The following RALA variants were observed in gnomAD, a reference collection of about 807,000 sequenced individuals.
The protein encoded by RALA is ras-related protein Ral-A.
In RALA, 5 loss-of-function variants were observed where a neutral mutation model predicts 24.0. The observed-to-expected ratio is 0.21, with a 90% CI of 0.11 to 0.44. The LOEUF (loss-of-function observed/expected upper bound fraction) is 0.44, where lower values mean the gene tolerates loss of function less well. Among genes scored for constraint, RALA ranks in the 20% least tolerant of loss-of-function variants. The pLI is 0.99. For synonymous variants in RALA, 77 were observed against 83.8 expected, an observed-to-expected ratio of 0.92 and a Z score of 0.44; for missense variants, 95 against 241.2, an observed-to-expected ratio of 0.39 and a Z score of 4.01.
intron 1 of RALA, among the ~76,000 whole-genome samples, chr7:39,639,278 T>A (rs1791739245): frequency 6.6e-6 from 1 of 152,248 alleles, no homozygotes; most frequent in African/African-American, 2.4e-5. Flanking sequence ...CAAGTAAGAC[T>A]ATTACTTAAC....
chr7:39,635,033 A>G (rs1167338720), intron 1 of RALA, among the ~76,000 whole-genome samples: 1 of 152,182 alleles, frequency 6.6e-6, no homozygotes, highest in African/African-American at 2.4e-5. Flanking sequence ...TATAATTCAC[A>G]TACCATAAAA....
intron 3 of RALA, 65 bp from the exon 4 acceptor site, chr7:39,696,620 C>A: frequency 7.5e-7 from 1 of 1,333,162 alleles, no homozygotes; most frequent in Non-Finnish European, 1.0e-6. Context: ...AGGTATGGGG[C>A]AAACAAGAAC....
intron 2 of RALA, among the ~76,000 whole-genome samples, chr7:39,689,396 A>G (rs1792774679): frequency 1.3e-5 from 2 of 152,332 alleles, no homozygotes; most frequent in Middle Eastern, 3.4e-3. Context: ...GTCCATTTTT[A>G]AAATAATTAT....
At chr7:39,625,063 T>G (rs114358438) in intron 1 of RALA, among the ~76,000 whole-genome samples, 1 of 152,238 alleles carries the variant, frequency 6.6e-6, no homozygotes, top group East Asian at 1.9e-4. Context: ...GTCCTACTTA[T>G]GACTGTTTCT....
At chr7:39,650,879 A>G (rs1453798276) in intron 1 of RALA, among the ~76,000 whole-genome samples, 1 of 152,180 alleles carries the variant, frequency 6.6e-6, no homozygotes. Flanking sequence ...TATCTTATTC[A>G]TGGCTATTGG....
chr7:39,684,576 C>T (rs1438934930), intron 1 of RALA, among the ~76,000 whole-genome samples: 5 of 151,924 alleles, frequency 3.3e-5, no homozygotes, highest in Non-Finnish European at 7.4e-5. Context: ...TGTGATTGAA[C>T]CTCTAGTAGC....
chr7:39,676,923 C>A (rs1006288857), intron 1 of RALA, among the ~76,000 whole-genome samples: 17 of 152,204 alleles, frequency 1.1e-4, no homozygotes, highest in African/African-American at 3.9e-4. Flanking sequence ...CATGTCCTAA[C>A]TCCTAGAATC....
In RALA at chr7:39,707,412, A is replaced by G. The variant is rs531829206; in HGVS notation, c.*1167A>G. On this transcript the variant is annotated 3_prime_UTR_variant, in exon 5 of 5. Transcript: ENST00000005257. ...GAGTAATTCTTTTCTGTTTCTGTTT[A>G]TAATGAAGAACACTGTAGCTACATT... 11 of 152,368 alleles carry G rather than the reference A, an allele frequency of 7.2e-5. No homozygotes were observed. Among genetic ancestry groups the G allele is most frequent in the African/African-American group, 2.2e-4 (9 of 41,588 alleles). 9.4% of individuals were successfully genotyped at this position (152,368 alleles called of 1,614,324 possible). A position where few individuals can be genotyped will look rare whatever the true frequency, so the allele number is the denominator to read the frequency against.
intron 4 of RALA, among the ~76,000 whole-genome samples, chr7:39,702,205 A>T (rs1004753228): frequency 6.6e-6 from 1 of 152,138 alleles, no homozygotes; most frequent in Non-Finnish European, 1.5e-5. Context: ...AAGGAGGAAA[A>T]ATGAGTCATT....
At chr7:39,666,858 A>G (rs999525972) in intron 1 of RALA, among the ~76,000 whole-genome samples, 22 of 152,328 alleles carry the variant, frequency 1.4e-4, no homozygotes, top group African/African-American at 5.1e-4. Context: ...CCTGGTTTGT[A>G]AAAATAATGT....
At chr7:39,689,298 G>T (rs1792773004) in intron 2 of RALA, among the ~76,000 whole-genome samples, 1 of 152,122 alleles carries the variant, frequency 6.6e-6, no homozygotes, top group African/African-American at 2.4e-5. Flanking sequence ...CAGCCCACAT[G>T]CCTAACTTGT....
intron 1 of RALA, among the ~76,000 whole-genome samples, chr7:39,627,744 T>A (rs1791518916): frequency 6.6e-6 from 1 of 152,208 alleles, no homozygotes; most frequent in African/African-American, 2.4e-5. Context: ...AGCTGCCCTG[T>A]CTAGATATTC....
rs1793127488 is a variant in RALA at position 39,706,789 on chromosome 7, T to TG, written c.*545dup. The TG allele has an allele frequency of 6.6e-6, 1 of 152,634 alleles. No homozygotes were observed. The highest frequency in any genetic ancestry group is 2.4e-5 in the African/African-American group (1 of 41,432). The allele number at this position is 152,634 out of a possible 1,614,324, so 9.5% of individuals were successfully genotyped here. On this transcript the variant is annotated 3_prime_UTR_variant, in exon 5 of 5. Coordinates refer to ENST00000005257, the MANE Select transcript of RALA (RefSeq NM_005402.4). ...CTGTGAATCTGCTTTAATTACCTGG[T>TG]GAGTAACTTAGAAAAGTGGTGTAAA...
In RALA at chr7:39,681,267, C is replaced by CTTCTGTTT. The variant is rs1373447073; in HGVS notation, c.-37-5363_-37-5356dup. Among the ~76,000 whole-genome samples the CTTCTGTTT allele has an allele frequency of 2.8e-5, 4 of 145,048 alleles. No homozygotes were observed. The Admixed American group carries it at 2.8e-4, about 10-fold the overall frequency. ...TGAGAGTAAAAATCCAATTCTGTAC[C>CTTCTGTTT]TTCTGTTTCTCCTCAACCCAAACCC... On this transcript the variant is annotated intron_variant, in intron 1 of 4. Transcript: ENST00000005257.
intron 3 of RALA, among the ~76,000 whole-genome samples, chr7:39,693,381 A>T (rs754645987): frequency 8.5e-5 from 13 of 152,160 alleles, no homozygotes; most frequent in Non-Finnish European, 1.2e-4. Context: ...GAACACTTGG[A>T]CACAGGGCAG....
At chr7:39,661,651 C>T (rs1282171249) in intron 1 of RALA, among the ~76,000 whole-genome samples, 1 of 152,222 alleles carries the variant, frequency 6.6e-6, no homozygotes, top group Non-Finnish European at 1.5e-5. Context: ...GGCAGCTCTG[C>T]TTCTGTGGCT....
intron 1 of RALA, among the ~76,000 whole-genome samples, chr7:39,682,959 C>T (rs185381392): frequency 6.6e-6 from 1 of 152,120 alleles, no homozygotes; most frequent in Non-Finnish European, 1.5e-5. Flanking sequence ...AAATTTAATC[C>T]CCAAATTCAT....
chr7:39,642,340 G>A (rs1339757883), intron 1 of RALA, among the ~76,000 whole-genome samples: 1 of 152,176 alleles, frequency 6.6e-6, no homozygotes, highest in African/African-American at 2.4e-5. Context: ...GATATAGGGG[G>A]AAAGTAAAGG....
intron 1 of RALA, among the ~76,000 whole-genome samples, chr7:39,663,461 G>A (rs1792229732): frequency 6.6e-6 from 1 of 151,858 alleles, no homozygotes; most frequent in African/African-American, 2.4e-5. Flanking sequence ...TAACACTGTG[G>A]GACCCATAAG....
Sources: allele counts gnomAD v4.1 joint callset (sites outside exome capture counted in the v4.1 genomes callset), GRCh38; gene constraint gnomAD v4.1.1; transcripts MANE v1.5; gene names NCBI Gene and HGNC (gene_info 2026-07-23, HGNC 2026-07-21).